The following TMEM53 variants were observed in gnomAD, a reference collection of about 807,000 sequenced individuals.
TMEM53 encodes novel DUF829 domain-containing protein.
A neutral mutation model predicts 21.4 loss-of-function variants in TMEM53; 14 were observed. The ratio of observed to expected loss-of-function variants is 0.65; its 90% CI spans 0.43 to 1.02. TMEM53 has a LOEUF of 1.02. Among genes scored for constraint, TMEM53 ranks in the 50% least tolerant of loss-of-function variants. TMEM53 has a pLI of 0.00. For synonymous variants in TMEM53, 148 were observed against 157.4 expected (o/e 0.94, Z 0.45); for missense variants, 323 against 383.6 (o/e 0.84, Z 1.32).
Position 44,660,341 on chromosome 1 carries a change from C to T in TMEM53, c.62-46G>A, listed in dbSNP as rs370798497. ...GTCAACACCAGAGCTGGGGTGGGGG[C>T]GGGGGTGACTGCCCAATCCAGAGTC... On this transcript the variant is annotated intron_variant, in intron 1 of 2. Coordinates refer to ENST00000372237, the MANE Select transcript of TMEM53 (RefSeq NM_024587.4). The T allele has an allele frequency of 1.3e-4, 201 of 1,528,536 alleles. No individual in the cohort carries two copies. The African/African-American group carries it at 2.1e-3, about 16-fold the overall frequency. 94.7% of individuals were successfully genotyped at this position (1,528,536 alleles called of 1,614,324 possible).
At chr1:44,668,439 A>T (rs1644968427) in intron 1 of TMEM53, among the ~76,000 whole-genome samples, 2 of 151,956 alleles carry the variant, frequency 1.3e-5, no homozygotes, top group Admixed American at 1.3e-4. Flanking sequence ...AAAATAAAAT[A>T]AAAATAAAAA....
Position 44,668,344 on chromosome 1 carries a change from G to C in TMEM53, c.61+5987C>G, listed in dbSNP as rs372857144. Among the ~76,000 whole-genome samples, 17 of 152,136 alleles carry C rather than the reference G, an allele frequency of 1.1e-4. 2 individuals carry two copies. The highest frequency in any genetic ancestry group is 6.5e-4 in the Admixed American group (10 of 15,288). On this transcript the variant is annotated intron_variant, in intron 1 of 2. Transcript: ENST00000372237. Reference sequence around the variant, plus strand: ...TAGTCCCAGCTACTCCGGAGGCTGAGGCAAGAGAATGGCGTGAACCCAGAG... The same window carrying C: ...TAGTCCCAGCTACTCCGGAGGCTGACGCAAGAGAATGGCGTGAACCCAGAG...
chr1:44,654,557 C>T lies in TMEM53; in HGVS notation c.*2G>A, dbSNP rs768643191. The T allele has an allele frequency of 2.5e-6, 4 of 1,600,982 alleles. No homozygotes were observed. The highest frequency in any genetic ancestry group is 2.6e-6 in the Non-Finnish European group (3 of 1,170,134). On this transcript the variant is annotated 3_prime_UTR_variant, in exon 3 of 3. Transcript: ENST00000372237. This position sits in a 1 kb window ranked among gnomAD's most constrained non-coding sequence, Gnocchi z 7.0. Reference sequence around the variant, plus strand: ...GAGCAGAGGTGAGATGGAGCAATGGCCTCAGCAGCGGACGCAGTTGCGCAT... The same window carrying T: ...GAGCAGAGGTGAGATGGAGCAATGGTCTCAGCAGCGGACGCAGTTGCGCAT...
intron 1 of TMEM53, among the ~76,000 whole-genome samples, chr1:44,660,810 CA>C (rs780453793): frequency 1.5e-3 from 213 of 137,964 alleles, no homozygotes; most frequent in Middle Eastern, 7.4e-3. Flanking sequence ...CAAAAAAATA[CA>C]AAAAAAAAAA....
intron 2 of TMEM53, among the ~76,000 whole-genome samples, chr1:44,657,797 T>C (rs1471592022): frequency 6.6e-6 from 1 of 152,102 alleles, no homozygotes; most frequent in African/African-American, 2.4e-5. Flanking sequence ...TTTCTGAGCC[T>C]CCCAAAGTGC....
intron 1 of TMEM53, among the ~76,000 whole-genome samples, chr1:44,665,853 C>T (rs577998069): frequency 6.6e-6 from 1 of 151,850 alleles, no homozygotes; most frequent in South Asian, 2.1e-4. Context: ...AAGGAACAAA[C>T]AAACAAAAGA....
At chr1:44,671,902 C>T (rs950333655) in intron 1 of TMEM53, among the ~76,000 whole-genome samples, 2 of 152,192 alleles carry the variant, frequency 1.3e-5, no homozygotes, top group African/African-American at 4.8e-5. Context: ...GCACTCCAGC[C>T]TGGGCGACAG....
chr1:44,671,986 T>C (rs994073776), intron 1 of TMEM53, among the ~76,000 whole-genome samples: 1 of 152,254 alleles, frequency 6.6e-6, no homozygotes, highest in Non-Finnish European at 1.5e-5. Flanking sequence ...TCCTATACAC[T>C]TCTCCACCAT....
rs1402171830 is a variant in TMEM53 at position 44,655,670 on chromosome 1, G to T, written c.184-461C>A. Among the ~76,000 whole-genome samples the T allele has an allele frequency of 6.6e-6, 1 of 152,132 alleles. No homozygotes were observed. Among genetic ancestry groups the T allele is most frequent in the Non-Finnish European group, 1.5e-5 (1 of 68,024 alleles). ...CACTGTCCCTACCTCCCAGACAGAA[G>T]TAGTACCCCCATGAGACCAGTACCC... On this transcript the variant is annotated intron_variant, in intron 2 of 2. Transcript: ENST00000372237. The surrounding 1 kb of genome is among the most constrained non-coding windows in gnomAD (Gnocchi z 4.4).
In TMEM53 at chr1:44,654,894, C is replaced by A; in HGVS notation, c.499G>T (p.Ala167Ser). The part of the protein sequence containing the change: ...ALAAILERRA[A>S]MLRLLLLVAF... ...ACCAGCAGCAACAGGCGCAGCATGGCGGCCCGGCGCTCCAGGATGGCTGCC... is the reference window on the plus strand; with the variant it reads ...ACCAGCAGCAACAGGCGCAGCATGGAGGCCCGGCGCTCCAGGATGGCTGCC... Residue 167 changes from alanine (A) to serine (S), a missense_variant, in exon 3 of 3, where the codon GCC (alanine) becomes TCC (serine). By Grantham distance (99) the Ala-to-Ser change is moderately conservative (BLOSUM62 1). Coordinates refer to ENST00000372237, the MANE Select transcript of TMEM53 (RefSeq NM_024587.4). This position sits in a 1 kb window ranked among gnomAD's most constrained non-coding sequence, Gnocchi z 7.0. 1 of 1,612,326 alleles carries A rather than the reference C, an allele frequency of 6.2e-7. No individual in the cohort carries two copies. The highest frequency in any genetic ancestry group is 1.1e-5 in the South Asian group (1 of 91,060).
At position 44,654,293 on chromosome 1, in the gene TMEM53, C is replaced by T. The variant is rs3444; in HGVS notation, c.*266G>A. Reference sequence around the variant, plus strand: ...CATGCCACAGGAATCAGCAGCCTGACTGTTGCACTTGTCCAAACACAACTG... The same window carrying T: ...CATGCCACAGGAATCAGCAGCCTGATTGTTGCACTTGTCCAAACACAACTG... On this transcript the variant is annotated 3_prime_UTR_variant, in exon 3 of 3. Transcript: ENST00000372237. The surrounding 1 kb of genome is among the most constrained non-coding windows in gnomAD (Gnocchi z 7.0). The T allele has an allele frequency of 0.28, 128,347 of 459,088 alleles. 21,190 individuals are homozygous for T. Among genetic ancestry groups the T allele is most frequent in the Middle Eastern group, 0.37 (642 of 1,734 alleles). The allele number at this position is 459,088 out of a possible 1,614,324, so 28.4% of individuals were successfully genotyped here.
At position 44,655,298 on chromosome 1, in the gene TMEM53, G is replaced by A; in HGVS notation, c.184-89C>T. Reference sequence around the variant, plus strand: ...CAGAGGGGCCCAGCAACCCCAGCCTGTAGGACATAGGCCATGGGGCCCACA... The same window carrying A: ...CAGAGGGGCCCAGCAACCCCAGCCTATAGGACATAGGCCATGGGGCCCACA... On this transcript the variant is annotated intron_variant, in intron 2 of 2. Coordinates refer to ENST00000372237, the MANE Select transcript of TMEM53 (RefSeq NM_024587.4). This position sits in a 1 kb window ranked among gnomAD's most constrained non-coding sequence, Gnocchi z 4.4. 1 of 1,328,648 alleles carries A rather than the reference G, an allele frequency of 7.5e-7. No individual in the cohort carries two copies. Among genetic ancestry groups the A allele is most frequent in the Non-Finnish European group, 1.0e-6 (1 of 978,876 alleles). The allele number at this position is 1,328,648 out of a possible 1,614,324, so 82.3% of individuals were successfully genotyped here.
At chr1:44,663,062 TTA>T (rs1644915122) in intron 1 of TMEM53, among the ~76,000 whole-genome samples, 1 of 152,196 alleles carries the variant, frequency 6.6e-6, no homozygotes, top group Admixed American at 6.5e-5. Flanking sequence ...ATTGATTTCT[TTA>T]TTTTTGGAGA....
chr1:44,664,406 C>T (rs558814115), intron 1 of TMEM53, among the ~76,000 whole-genome samples: 31 of 150,726 alleles, frequency 2.1e-4, no homozygotes, highest in South Asian at 6.3e-4. Context: ...GAGCCGAGAT[C>T]GCGCCATTGC....
intron 2 of TMEM53, among the ~76,000 whole-genome samples, chr1:44,657,121 A>G (rs1351403917): frequency 6.6e-6 from 1 of 151,890 alleles, no homozygotes; most frequent in Non-Finnish European, 1.5e-5. Flanking sequence ...CTTGAGCCCA[A>G]GAGTTGAGGC....
chr1:44,667,039 C>T (rs1644954592), intron 1 of TMEM53, among the ~76,000 whole-genome samples: 1 of 151,994 alleles, frequency 6.6e-6, no homozygotes, highest in Non-Finnish European at 1.5e-5. Context: ...GACAGGGTCT[C>T]ACTATGTTGC....
In TMEM53 at chr1:44,674,479, C is replaced by T. The variant is rs1452798058; in HGVS notation, c.-88G>A. 27 of 1,335,192 alleles carry T rather than the reference C, an allele frequency of 2.0e-5. No homozygotes were observed. Among genetic ancestry groups the T allele is most frequent in the Non-Finnish European group, 2.8e-5 (27 of 972,192 alleles). 82.7% of individuals were successfully genotyped at this position (1,335,192 alleles called of 1,614,324 possible). A position where few individuals can be genotyped will look rare whatever the true frequency, so the allele number is the denominator to read the frequency against. On this transcript the variant is annotated 5_prime_UTR_variant, in exon 1 of 3. Coordinates refer to ENST00000372237, the MANE Select transcript of TMEM53 (RefSeq NM_024587.4). ...TCACCCGGGCGCCTCCTGGGCGCCGCCCAATCACCACACACCTCCCCCAAC... is the reference window on the plus strand; with the variant it reads ...TCACCCGGGCGCCTCCTGGGCGCCGTCCAATCACCACACACCTCCCCCAAC...
chr1:44,670,362 C>A lies in TMEM53; in HGVS notation c.61+3969G>T, dbSNP rs534298652. On this transcript the variant is annotated intron_variant, in intron 1 of 2. Coordinates refer to ENST00000372237, the MANE Select transcript of TMEM53 (RefSeq NM_024587.4). ...GTTCCCTCCAGCCACTCACTGTCCC[C>A]CTTCAGGGATTTACTTCTGCACTTT... Among the ~76,000 whole-genome samples, 13 of 152,234 alleles carry A rather than the reference C, an allele frequency of 8.5e-5. No homozygotes were observed. In the South Asian group the frequency reaches 2.3e-3, roughly 27 times the overall value.
chr1:44,658,778 C>A lies in TMEM53; in HGVS notation c.183+1396G>T, dbSNP rs141658450. On this transcript the variant is annotated intron_variant, in intron 2 of 2. Transcript: ENST00000372237. Reference sequence around the variant, plus strand: ...TGTTGGCCAGGCTGGTCTTGAACTCCTGACCTCAAGTGATCTGCCCGCCTC... The same window carrying A: ...TGTTGGCCAGGCTGGTCTTGAACTCATGACCTCAAGTGATCTGCCCGCCTC... Among the ~76,000 whole-genome samples, 978 of 152,242 alleles carry A rather than the reference C, an allele frequency of 6.4e-3. 13 individuals carry two copies. The highest frequency in any genetic ancestry group is 0.023 in the African/African-American group (936 of 41,522).
Sources: allele counts gnomAD v4.1 joint callset (sites outside exome capture counted in the v4.1 genomes callset), GRCh38; gene constraint gnomAD v4.1.1; non-coding constraint Gnocchi (gnomAD v3.1); transcripts MANE v1.5; gene names NCBI Gene and HGNC (gene_info 2026-07-23, HGNC 2026-07-21).